PIEZO2: variants seen among roughly 807,000 people sequenced by gnomAD.
PIEZO2 encodes the protein piezo-type mechanosensitive ion channel component 2.
Under a neutral mutation model 337.3 loss-of-function variants are expected in PIEZO2, and 172 were observed. That is an observed-to-expected ratio of 0.51 (90% confidence interval 0.45 to 0.58). The LOEUF (loss-of-function observed/expected upper bound fraction) is 0.58, where lower values mean the gene tolerates loss of function less well. Ranked by LOEUF, PIEZO2 falls within the 20% of genes least tolerant of loss-of-function variation. The pLI, the probability that PIEZO2 is intolerant of heterozygous loss-of-function variation, is 0.00. For missense variants in PIEZO2, 3,028 were observed against 3,391.3 expected (o/e 0.89, Z 2.66); for synonymous variants, 1,251 against 1,228.5 (o/e 1.02, Z -0.38).
rs2040369659 is a variant in PIEZO2, at chr18:11,132,514, T to A, written c.64+16011A>T. ...AACATCCAATATATGGTACTGTTTC[T>A]CTCATAGCCAGGATTCATATGTCCG... is the stretch of plus-strand genomic sequence containing the variant. On this transcript the variant is annotated intron_variant, in intron 1 of 55. Transcript: ENST00000674853. The surrounding 1 kb of genome is among the most constrained non-coding windows in gnomAD (Gnocchi z 4.7). Among the ~76,000 whole-genome samples the A allele has an allele frequency of 6.6e-6, 1 of 152,170 alleles. No homozygotes were observed.
At chr18:10,805,590 T>C (rs992774778) in intron 8 of PIEZO2, among the ~76,000 whole-genome samples, 2 of 152,272 alleles carry the variant, frequency 1.3e-5, no homozygotes, top group Non-Finnish European at 2.9e-5. Context: ...TACATATGCA[T>C]GTTTGTGGAG....
chr18:11,100,887 G>A (rs1434038465), intron 1 of PIEZO2, among the ~76,000 whole-genome samples: 3 of 152,134 alleles, frequency 2.0e-5, no homozygotes, highest in African/African-American at 7.2e-5. Context: ...GAGCCACCGT[G>A]CCTGGCCCAC....
intron 49 of PIEZO2, among the ~76,000 whole-genome samples, chr18:10,686,125 T>G (rs959987784): frequency 1.3e-5 from 2 of 152,224 alleles, no homozygotes; most frequent in East Asian, 3.8e-4. Flanking sequence ...TATCTCTCTG[T>G]GCCCTTGTTG....
At chr18:10,991,234 A>T (rs1008702019) in intron 2 of PIEZO2, among the ~76,000 whole-genome samples, 3 of 149,610 alleles carry the variant, frequency 2.0e-5, no homozygotes, top group Admixed American at 1.3e-4. Flanking sequence ...ACACACACAC[A>T]TTTTTTTTTC....
Position 10,794,951 on chromosome 18 carries a change from AC to A in PIEZO2, c.1578del (p.Trp526CysfsTer7). ...TTGCGAATCATCCAAAGAGTGCACG[AC>A]CAGATCAGCAGCACGAAGGTCAGCC... is the stretch of plus-strand genomic sequence containing the variant. ...HSWLTFVLLI[W>X]SCTLWMIRNR... On this transcript the variant is annotated frameshift_variant, in exon 13 of 56. Coordinates refer to ENST00000674853, the MANE Select transcript of PIEZO2 (RefSeq NM_001378183.1). LOFTEE classifies it high-confidence loss of function. This position sits in a 1 kb window ranked among gnomAD's most constrained non-coding sequence, Gnocchi z 6.6. 1 of 1,547,280 alleles carries A rather than the reference AC, an allele frequency of 6.5e-7. No homozygotes were observed. Among genetic ancestry groups the A allele is most frequent in the Non-Finnish European group, 8.7e-7 (1 of 1,146,990 alleles).
In PIEZO2 at chr18:10,726,468, GC is replaced by G. The variant is rs781344875; in HGVS notation, c.5029+4938del. The G allele has an allele frequency of 1.0e-5, 16 of 1,527,596 alleles. No homozygotes were observed. Among genetic ancestry groups the G allele is most frequent in the Non-Finnish European group, 1.4e-5 (16 of 1,143,700 alleles). The allele number at this position is 1,527,596 out of a possible 1,614,324, so 94.6% of individuals were successfully genotyped here. On this transcript the variant is annotated intron_variant, in intron 36 of 55. Transcript: ENST00000674853. The surrounding 1 kb of genome is among the most constrained non-coding windows in gnomAD (Gnocchi z 5.9). ...ACGGCCGGCGAACCCCACGAGGAGGGCCTGGCCACCCTGCACAGCGTGCTGC... is the reference window on the plus strand; with the variant it reads ...ACGGCCGGCGAACCCCACGAGGAGGGCTGGCCACCCTGCACAGCGTGCTGC...
At chr18:11,124,708 G>T (rs1339292022) in intron 1 of PIEZO2, among the ~76,000 whole-genome samples, 1 of 152,054 alleles carries the variant, frequency 6.6e-6, no homozygotes, top group Non-Finnish European at 1.5e-5. Context: ...TCAGAGAGAT[G>T]ATGAGATCAT....
At position 10,871,237 on chromosome 18, in the gene PIEZO2, A is replaced by G. The variant is rs1354680804; in HGVS notation, c.492+16T>C. On this transcript the variant is annotated intron_variant, in intron 5 of 55. Transcript: ENST00000674853. ...CTCAGAAATCAAAGAAGGAAGAGAC[A>G]TGGAGTTGGATTTACCAATTCTTCA... The G allele has an allele frequency of 1.3e-6, 2 of 1,533,354 alleles. No homozygotes were observed. Among genetic ancestry groups the G allele is most frequent in the Admixed American group, 2.0e-5 (1 of 50,742 alleles). The allele number at this position is 1,533,354 out of a possible 1,614,324, so 95.0% of individuals were successfully genotyped here. A position where few individuals can be genotyped will look rare whatever the true frequency, so the allele number is the denominator to read the frequency against.
intron 39 of PIEZO2, among the ~76,000 whole-genome samples, chr18:10,711,017 T>G (rs978425249): frequency 2.2e-4 from 34 of 152,328 alleles, no homozygotes; most frequent in African/African-American, 8.2e-4. Context: ...TACTAGTTAT[T>G]GTATTTACTG....
At chr18:10,999,013 C>T (rs1201974683) in intron 2 of PIEZO2, among the ~76,000 whole-genome samples, 2 of 152,008 alleles carry the variant, frequency 1.3e-5, no homozygotes, top group Non-Finnish European at 2.9e-5. Flanking sequence ...CATTCTGTAG[C>T]TTTCAATGAT....
chr18:10,790,316 A>C (rs2039365294), intron 14 of PIEZO2, among the ~76,000 whole-genome samples: 1 of 152,192 alleles, frequency 6.6e-6, no homozygotes, highest in Non-Finnish European at 1.5e-5. Context: ...TTACTGGTTT[A>C]ATCTGAAGGT....
chr18:10,928,840 G>A (rs900515352), intron 3 of PIEZO2, among the ~76,000 whole-genome samples: 4 of 152,156 alleles, frequency 2.6e-5, no homozygotes, highest in Non-Finnish European at 4.4e-5. Flanking sequence ...AGGAACATTT[G>A]GAACTAGCCT....
chr18:10,887,064 A>AGT (rs1286292676), intron 4 of PIEZO2, among the ~76,000 whole-genome samples: 1 of 61,312 alleles, frequency 1.6e-5, no homozygotes, highest in Non-Finnish European at 2.9e-5. Flanking sequence ...GAGGTGACAC[A>AGT]CTTTTTTTTT....
chr18:10,732,395 C>A (rs1186055548), intron 35 of PIEZO2, among the ~76,000 whole-genome samples: 3 of 152,120 alleles, frequency 2.0e-5, no homozygotes, highest in Middle Eastern at 3.2e-3. Context: ...GCTCTTTAAA[C>A]CCAGATCTGT....
At chr18:10,792,807 T>A (rs2039448742) in intron 13 of PIEZO2, among the ~76,000 whole-genome samples, 1 of 152,234 alleles carries the variant, frequency 6.6e-6, no homozygotes. Flanking sequence ...CTGGAATTGC[T>A]GGTCTTATGG....
chr18:11,057,456 T>G (rs2037772542), intron 2 of PIEZO2, among the ~76,000 whole-genome samples: 1 of 152,228 alleles, frequency 6.6e-6, no homozygotes, highest in East Asian at 1.9e-4. Context: ...TCCCTGTCTT[T>G]TGATAATTCC....
chr18:11,005,419 ATGTATTGAG>A (rs2035683361), intron 2 of PIEZO2, among the ~76,000 whole-genome samples: 1 of 152,110 alleles, frequency 6.6e-6, no homozygotes, highest in South Asian at 2.1e-4. Context: ...TTAGCTTAAC[ATGTATTGAG>A]TATCAGGCAT....
At chr18:11,010,014 T>C (rs1450763981) in intron 2 of PIEZO2, among the ~76,000 whole-genome samples, 1 of 152,102 alleles carries the variant, frequency 6.6e-6, no homozygotes, top group African/African-American at 2.4e-5. Context: ...CATTTTGTTA[T>C]AACAGCAAGA....
rs1174582024 is a variant in PIEZO2, at chr18:10,693,356, T to TTGTGTGTGTGTGTGTG, written c.7191-1989_7191-1974dup. On this transcript the variant is annotated intron_variant, in intron 47 of 55. Transcript: ENST00000674853. ...TGCTTCTTGCTTTCCAATCTGGATT[T>TTGTGTGTGTGTGTGTG]TGTGTGTGTGTGTGTGTGTGTGTGT... 9.0e-3 allele frequency among the ~76,000 whole-genome samples: 808 copies of TTGTGTGTGTGTGTGTG among 90,012 alleles called. 9 individuals carry two copies. Among genetic ancestry groups the TTGTGTGTGTGTGTGTG allele is most frequent in the African/African-American group, 0.024 (667 of 28,274 alleles). 59.1% of individuals were successfully genotyped at this position (90,012 alleles called of 152,430 possible).
Sources: allele counts gnomAD v4.1 joint callset (sites outside exome capture counted in the v4.1 genomes callset), GRCh38; gene constraint gnomAD v4.1.1; non-coding constraint Gnocchi (gnomAD v3.1); transcripts MANE v1.5; gene names NCBI Gene and HGNC (gene_info 2026-07-23, HGNC 2026-07-21).